The following KCNN2 variants were observed in gnomAD, a reference collection of about 807,000 sequenced individuals.
KCNN2 encodes the protein potassium calcium-activated channel subfamily N member 2.
A neutral mutation model predicts 55.5 loss-of-function variants in KCNN2; 24 were observed. The ratio of observed to expected loss-of-function variants is 0.43; its 90% CI spans 0.31 to 0.61. The LOEUF is 0.61. Ranked by LOEUF, KCNN2 falls within the 20% of genes least tolerant of loss-of-function variation. KCNN2 has a pLI of 0.08. For synonymous variants in KCNN2, 431 were observed against 336.1 expected, an observed-to-expected ratio of 1.28 and a Z score of -3.09; for missense variants, 754 against 853.6, an observed-to-expected ratio of 0.88 and a Z score of 1.45.
chr5:114,442,974 G>GT (rs80347008), intron 3 of KCNN2, among the ~76,000 whole-genome samples: 79,630 of 151,678 alleles, frequency 0.52, 22,999 homozygotes, highest in East Asian at 0.73. Flanking sequence ...TTTTAAAGGT[G>GT]TTTTTTTCAC....
chr5:114,149,628 T>G (rs920867695), intron 1 of KCNN2, among the ~76,000 whole-genome samples: 13 of 150,068 alleles, frequency 8.7e-5, no homozygotes, highest in South Asian at 2.1e-4. Flanking sequence ...TTCTTTAACA[T>G]AACATCTGTA....
At chr5:114,150,498 G>A (rs572436673) in intron 1 of KCNN2, among the ~76,000 whole-genome samples, 3 of 152,232 alleles carry the variant, frequency 2.0e-5, no homozygotes, top group Admixed American at 1.3e-4. Flanking sequence ...TCAAAACGTC[G>A]ACAGCATGAA....
At chr5:114,290,284 G>C (rs1449268067) in intron 2 of KCNN2, among the ~76,000 whole-genome samples, 1 of 151,910 alleles carries the variant, frequency 6.6e-6, no homozygotes, top group African/African-American at 2.4e-5. Context: ...GTTGTTATAG[G>C]TGTTTTCAGA....
intron 2 of KCNN2, among the ~76,000 whole-genome samples, chr5:114,270,632 C>G (rs1195101459): frequency 6.6e-6 from 1 of 152,072 alleles, no homozygotes; most frequent in Non-Finnish European, 1.5e-5. Context: ...GTTTATTTTC[C>G]TGTTTCATAT....
At chr5:114,364,946 A>G (rs1757557949) in intron 2 of KCNN2, among the ~76,000 whole-genome samples, 1 of 151,454 alleles carries the variant, frequency 6.6e-6, no homozygotes, top group Admixed American at 6.6e-5. Context: ...TGGTACTTTG[A>G]GACCCTTAAT....
At chr5:114,243,459 C>T (rs1339252862) in intron 2 of KCNN2, among the ~76,000 whole-genome samples, 1 of 144,294 alleles carries the variant, frequency 6.9e-6, no homozygotes, top group African/African-American at 2.6e-5. Context: ...CCCATCTTGC[C>T]CCGTACCTGA....
intron 2 of KCNN2, among the ~76,000 whole-genome samples, chr5:114,374,001 G>A (rs1757859370): frequency 6.6e-6 from 1 of 151,934 alleles, no homozygotes; most frequent in Non-Finnish European, 1.5e-5. Flanking sequence ...CCTGTGAGCA[G>A]GTTTGACTAT....
chr5:114,341,297 T>A (rs1222767999), intron 2 of KCNN2, among the ~76,000 whole-genome samples: 1 of 152,180 alleles, frequency 6.6e-6, no homozygotes, highest in South Asian at 2.1e-4. Flanking sequence ...GGTACATAGA[T>A]ACTAAATTCA....
chr5:114,263,370 A>G (rs1755148897), intron 2 of KCNN2, among the ~76,000 whole-genome samples: 2 of 151,698 alleles, frequency 1.3e-5, no homozygotes, highest in African/African-American at 4.8e-5. Flanking sequence ...TGAACTCAGA[A>G]AGTTGTTATT....
At chr5:114,074,641 G>A (rs1396530972) in intron 1 of KCNN2, among the ~76,000 whole-genome samples, 2 of 152,318 alleles carry the variant, frequency 1.3e-5, no homozygotes, top group South Asian at 2.1e-4. Flanking sequence ...GTGTGGTGAA[G>A]CAAGCTTCCT....
chr5:114,224,646 C>G (rs913039846), intron 2 of KCNN2, among the ~76,000 whole-genome samples: 4 of 152,150 alleles, frequency 2.6e-5, no homozygotes, highest in African/African-American at 7.2e-5. Context: ...AGCCCAAAGT[C>G]AATGAATTCA....
intron 2 of KCNN2, among the ~76,000 whole-genome samples, chr5:114,255,249 T>A (rs4235758): frequency 0.83 from 125,602 of 151,672 alleles, 52,054 homozygotes; most frequent in East Asian, 0.89. Flanking sequence ...TACACGTGCA[T>A]TGTAGTGTTG....
At chr5:114,462,909 T>C (rs1329705674) in intron 3 of KCNN2, 140 bp from the exon 4 acceptor site, 1 of 768,876 alleles carries the variant, frequency 1.3e-6, no homozygotes, top group Non-Finnish European at 2.1e-6. Context: ...TCAATTTTGT[T>C]TATATTCACA....
At chr5:114,078,227 A>G (rs1344261836) in intron 1 of KCNN2, among the ~76,000 whole-genome samples, 2 of 152,228 alleles carry the variant, frequency 1.3e-5, no homozygotes, top group Admixed American at 6.5e-5. Context: ...AGGAAATCCA[A>G]ATTGAGACTT....
At chr5:114,218,822 G>A (rs1754064704) in intron 1 of KCNN2, among the ~76,000 whole-genome samples, 1 of 152,210 alleles carries the variant, frequency 6.6e-6, no homozygotes, top group Non-Finnish European at 1.5e-5. Context: ...CTATGCACAT[G>A]TGGGGCTAGG....
chr5:114,183,898 C>G (rs1667248055), intron 1 of KCNN2, among the ~76,000 whole-genome samples: 1 of 151,724 alleles, frequency 6.6e-6, no homozygotes, highest in Admixed American at 6.6e-5. Flanking sequence ...TTTGAATTTG[C>G]TTTGCTCATC....
chr5:114,441,052 C>G (rs751351703), intron 3 of KCNN2, among the ~76,000 whole-genome samples: 10 of 151,964 alleles, frequency 6.6e-5, no homozygotes, highest in Non-Finnish European at 1.2e-4. Flanking sequence ...ATGTTAATAT[C>G]TGATAAAGAT....
chr5:114,317,970 G>A lies in KCNN2; in HGVS notation c.-184-42975G>A, dbSNP rs546408821. Among the ~76,000 whole-genome samples, 4 of 152,322 alleles carry A rather than the reference G, an allele frequency of 2.6e-5. No homozygotes were observed. In the South Asian group the frequency reaches 6.2e-4, roughly 24 times the overall value. On this transcript the variant is annotated intron_variant, in intron 2 of 10. Coordinates refer to the KCNN2 transcript ENST00000512097. Reference sequence around the variant, plus strand: ...GGGACTGGGAGGGGGCAGGGATAATGAGCAAACGAAAGCAACAGATCAACA... The same window carrying A: ...GGGACTGGGAGGGGGCAGGGATAATAAGCAAACGAAAGCAACAGATCAACA...
chr5:114,229,679 A>G (rs1351839573), intron 2 of KCNN2, among the ~76,000 whole-genome samples: 1 of 152,120 alleles, frequency 6.6e-6, no homozygotes. Flanking sequence ...AAATTTACGT[A>G]CAATTTTTTA....
Sources: allele counts gnomAD v4.1 joint callset (sites outside exome capture counted in the v4.1 genomes callset), GRCh38; gene constraint gnomAD v4.1.1; transcripts MANE v1.5; gene names NCBI Gene and HGNC (gene_info 2026-07-23, HGNC 2026-07-21).